NDUFS8: variants seen among roughly 807,000 people sequenced by gnomAD.
NDUFS8 encodes NADH dehydrogenase [ubiquinone] iron-sulfur protein 8, mitochondrial.
In NDUFS8, 13 loss-of-function variants were observed where a neutral mutation model predicts 25.6. The observed-to-expected ratio is 0.51, with a 90% CI of 0.33 to 0.81. NDUFS8 has a LOEUF of 0.81. Ranked by LOEUF, NDUFS8 falls within the 30% of genes least tolerant of loss-of-function variation. The pLI is 0.02. For synonymous variants in NDUFS8, 119 were observed against 119.4 expected (o/e 1.00, Z 0.02); for missense variants, 257 against 300.9 (o/e 0.85, Z 1.08).
chr11:68,035,391 A>G (rs1301483288), intron 5 of NDUFS8: 1 of 189,238 alleles, frequency 5.3e-6, no homozygotes, highest in African/African-American at 2.4e-5. Flanking sequence ...GAGCTGCACC[A>G]CTGTACTCCA....
chr11:68,032,405 T>C (rs1379325341), intron 3 of NDUFS8, 69 bp downstream of exon 3: 1 of 1,611,232 alleles, frequency 6.2e-7, no homozygotes, highest in Admixed American at 1.7e-5. Flanking sequence ...GGAAGAGACC[T>C]GAGTTCCAGT....
chr11:68,032,575 C>T, intron 3 of NDUFS8: 1 of 1,411,916 alleles, frequency 7.1e-7, no homozygotes, highest in South Asian at 1.4e-5. Flanking sequence ...AGGGGGTTGC[C>T]AGGTGTGAGC....
intron 1 of NDUFS8, 116 bp from the exon 2 acceptor site, chr11:68,032,036 C>T (rs1012171734): frequency 6.1e-6 from 9 of 1,466,520 alleles, no homozygotes; most frequent in African/African-American, 5.6e-5. Flanking sequence ...CAATGGGGTG[C>T]GAGTAGAGGG....
At chr11:68,033,390 G>C (rs1854812027) in intron 5 of NDUFS8, 107 bp downstream of exon 5, 1 of 1,344,856 alleles carries the variant, frequency 7.4e-7, no homozygotes, top group East Asian at 2.5e-5. Flanking sequence ...TGCGTCCCCA[G>C]GAAGTCCCTT....
rs946450900 is a variant in NDUFS8 at position 68,032,570 on chromosome 11, G to A, written c.109+234G>A. On this transcript the variant is annotated intron_variant, in intron 3 of 6. Transcript: ENST00000313468. ...GCTCCCTGGGTGTGATGGGGAGGGG[G>A]TTGCCAGGTGTGAGCCATGGGTACC... 4 of 1,431,166 alleles carry A rather than the reference G, an allele frequency of 2.8e-6. No homozygotes were observed. In the African/African-American group the frequency reaches 4.3e-5, roughly 15 times the overall value. The allele number at this position is 1,431,166 out of a possible 1,614,324, so 88.7% of individuals were successfully genotyped here.
chr11:68,036,084 C>T, intron 5 of NDUFS8, 169 bp from the exon 6 acceptor site: 1 of 1,002,898 alleles, frequency 1.0e-6, no homozygotes, highest in Non-Finnish European at 1.5e-6. Context: ...GCTGAGGAGA[C>T]AGGCGCGAGC....
chr11:68,034,792 C>G (rs183256229), intron 5 of NDUFS8: 1 of 151,224 alleles, frequency 6.6e-6, no homozygotes, highest in Admixed American at 6.6e-5. Flanking sequence ...AAATTAGGGC[C>G]GGTTGCGGTG....
At chr11:68,035,022 TTGCACCACCATACTCCATCC>T (rs886369783) in intron 5 of NDUFS8, 5 of 151,686 alleles carry the variant, frequency 3.3e-5, no homozygotes, top group African/African-American at 1.2e-4. Flanking sequence ...TGAACTATGA[TTGCACCACCATACTCCATCC>T]TGGGCCACAG....
At position 68,036,570 on chromosome 11, in the gene NDUFS8, C is replaced by T. The variant is rs756139103; in HGVS notation, c.610C>T (p.Gln204Ter). ...GGAGGCCGAGATCGCCGCCAACATCCAGGCTGACTACTTGTATCGGTGACG... is the reference window on the plus strand; with the variant it reads ...GGAGGCCGAGATCGCCGCCAACATCTAGGCTGACTACTTGTATCGGTGACG... ...KWEAEIAANI[Q>*]ADYLYR is the part of the protein sequence containing the mutation. The change falls in exon 7 of 7, where the codon CAG becomes TAG. Residue 204 changes from glutamine to a stop codon, truncating the protein, a stop_gained. Transcript: ENST00000313468. LOFTEE classifies it high-confidence loss of function. The T allele has an allele frequency of 6.2e-7, 1 of 1,614,038 alleles. No individual in the cohort carries two copies. The highest frequency in any genetic ancestry group is 1.7e-5 in the Admixed American group (1 of 60,030).
rs371659063 is a variant in NDUFS8, at chr11:68,036,264, C to G, written c.384C>G (p.Ile128Met). ...GGCCCCTCCCGCAGGCCATCACCATCGAGGCTGAGCCAAGAGCTGATGGCA... is the reference window on the plus strand; with the variant it reads ...GGCCCCTCCCGCAGGCCATCACCATGGAGGCTGAGCCAAGAGCTGATGGCA... ...EAICPAQAIT[I>M]EAEPRADGSR... Residue 128 changes from isoleucine to methionine, a missense_variant, in exon 6 of 7, where the codon ATC becomes ATG. Physicochemically the swap from Ile to Met is conservative, Grantham distance 10 (BLOSUM62 1). Transcript: ENST00000313468. 2 of 1,612,702 alleles carry G rather than the reference C, an allele frequency of 1.2e-6. No homozygotes were observed. The highest frequency in any genetic ancestry group is 1.1e-5 in the South Asian group (1 of 91,060).
At chr11:68,031,648 C>T (rs1854769140) in intron 1 of NDUFS8, 2 of 249,508 alleles carry the variant, frequency 8.0e-6, no homozygotes, top group Non-Finnish European at 1.6e-5. Flanking sequence ...ACACCCAGCC[C>T]TAGCGAGTCA....
At chr11:68,032,646 A>AC in intron 3 of NDUFS8, 6 of 959,300 alleles carry the variant, frequency 6.3e-6, no homozygotes, top group South Asian at 1.7e-5. Flanking sequence ...CCCCCCACCT[A>AC]CCCCCCTTGA....
intron 3 of NDUFS8, chr11:68,032,607 C>A: frequency 8.2e-7 from 1 of 1,222,228 alleles, no homozygotes; most frequent in Non-Finnish European, 1.1e-6. Context: ...GTGCCTATTG[C>A]CAGTCCCTGG....
chr11:68,033,566 G>A (rs577558391), intron 5 of NDUFS8: 6 of 527,748 alleles, frequency 1.1e-5, no homozygotes, highest in East Asian at 1.0e-4. Flanking sequence ...GGGCCTCTGA[G>A]CCATGGGGTG....
Position 68,033,138 on chromosome 11 carries a change from TC to T in NDUFS8, c.229del (p.Arg77GlyfsTer15). On this transcript the variant is annotated frameshift_variant, in exon 5 of 7. Transcript: ENST00000313468. LOFTEE classifies it high-confidence loss of function. ...CTGGGCATGACCCTGAGCTACCTGTTCCGGGAACCGGCCACCATCAACTACC... is the reference window on the plus strand; with the variant it reads ...CTGGGCATGACCCTGAGCTACCTGTTCGGGAACCGGCCACCATCAACTACC... Reference protein sequence around the residue: ...RGLGMTLSYLFREPATINYPF... With the variant: ...RGLGMTLSYLXREPATINYPF... 1 of 1,612,878 alleles carries T rather than the reference TC, an allele frequency of 6.2e-7. No homozygotes were observed. Among genetic ancestry groups the T allele is most frequent in the Non-Finnish European group, 8.5e-7 (1 of 1,179,802 alleles).
chr11:68,036,574 C>G lies in NDUFS8; in HGVS notation c.614C>G (p.Ala205Gly). The change falls in exon 7 of 7, where the codon GCT (alanine) becomes GGT (glycine). Residue 205 changes from alanine to glycine, a missense_variant. Ala to Gly is a moderately conservative substitution (Grantham distance 60). Coordinates refer to ENST00000313468, the MANE Select transcript of NDUFS8 (RefSeq NM_002496.4). Reference sequence around the variant, plus strand: ...GCCGAGATCGCCGCCAACATCCAGGCTGACTACTTGTATCGGTGACGCCCC... The same window carrying G: ...GCCGAGATCGCCGCCAACATCCAGGGTGACTACTTGTATCGGTGACGCCCC... ...WEAEIAANIQ[A>G]DYLYR 1 of 1,614,006 alleles carries G rather than the reference C, an allele frequency of 6.2e-7. No homozygotes were observed. Among genetic ancestry groups the G allele is most frequent in the Non-Finnish European group, 8.5e-7 (1 of 1,180,008 alleles).
chr11:68,035,006 T>G (rs1408917906), intron 5 of NDUFS8: 1 of 150,998 alleles, frequency 6.6e-6, no homozygotes, highest in Non-Finnish European at 1.5e-5. Flanking sequence ...GAGGCGGAGG[T>G]TGCAGTGAAC....
intron 1 of NDUFS8, chr11:68,031,185 CA>C (rs1854759695): frequency 2.2e-5 from 5 of 227,030 alleles, no homozygotes; most frequent in South Asian, 2.0e-4. Context: ...ATCATCTGCC[CA>C]AGGTCACGCG....
intron 5 of NDUFS8, among the ~76,000 whole-genome samples, chr11:68,035,434 A>C (rs903331427): frequency 6.6e-5 from 10 of 152,174 alleles, no homozygotes; most frequent in Non-Finnish European, 1.5e-4. Context: ...CTGTCTCAAA[A>C]AACAAAAACA....
Sources: allele counts gnomAD v4.1 joint callset (sites outside exome capture counted in the v4.1 genomes callset), GRCh38; gene constraint gnomAD v4.1.1; transcripts MANE v1.5; gene names NCBI Gene and HGNC (gene_info 2026-07-23, HGNC 2026-07-21).